The following NPAS3 variants were observed in gnomAD, a reference collection of about 807,000 sequenced individuals.
NPAS3 encodes the protein neuronal PAS domain-containing protein 3.
NPAS3 carries 14 observed loss-of-function variants against 73.1 expected under a neutral mutation model. The ratio of observed to expected loss-of-function variants is 0.19; its 90% CI spans 0.13 to 0.30. The LOEUF (loss-of-function observed/expected upper bound fraction) is 0.30. Among genes scored for constraint, NPAS3 ranks in the 10% least tolerant of loss-of-function variants. The probability of loss-of-function intolerance (pLI) is 1.00; values close to 1 mark genes in which losing one functional copy is unlikely to be tolerated. For synonymous variants in NPAS3, 620 were observed against 541.5 expected (o/e 1.14, Z -2.01); for missense variants, 1,096 against 1,250.0 (o/e 0.88, Z 1.86).
At position 33,281,808 on chromosome 14, in the gene NPAS3, T is replaced by A. The variant is rs556332291; in HGVS notation, c.385+66382T>A. Among the ~76,000 whole-genome samples the A allele has an allele frequency of 2.0e-5, 3 of 152,324 alleles. No individual in the cohort carries two copies. In the South Asian group the frequency reaches 6.2e-4, roughly 32 times the overall value. ...TAATTTAAAACTTCTCTGGCTTGAA[T>A]ATTACATTTATTTATCTAGTAGTAT... On this transcript the variant is annotated intron_variant, in intron 3 of 11. Transcript: ENST00000356141.
At chr14:33,683,545 C>A (rs1256005748) in intron 6 of NPAS3, among the ~76,000 whole-genome samples, 2 of 148,190 alleles carry the variant, frequency 1.3e-5, no homozygotes, top group Non-Finnish European at 3.0e-5. Context: ...GCTTTTAATA[C>A]ATTCCACTGC....
chr14:33,199,653 TCCTTA>T (rs1328978589), intron 2 of NPAS3, among the ~76,000 whole-genome samples: 1 of 137,932 alleles, frequency 7.2e-6, no homozygotes, highest in East Asian at 1.9e-4. Context: ...CTTCCTTTCC[TCCTTA>T]CCTTCCTCTA....
intron 3 of NPAS3, among the ~76,000 whole-genome samples, chr14:33,341,212 A>T (rs2044461640): frequency 6.6e-6 from 1 of 152,196 alleles, no homozygotes; most frequent in African/African-American, 2.4e-5. Flanking sequence ...TCAACTTCTG[A>T]AATTAGGGAA....
At chr14:33,440,295 G>T (rs2049187506) in intron 4 of NPAS3, among the ~76,000 whole-genome samples, 1 of 152,008 alleles carries the variant, frequency 6.6e-6, no homozygotes, top group Non-Finnish European at 1.5e-5. Context: ...ATACACAGAG[G>T]ATGCTGAGAT....
At position 33,332,796 on chromosome 14, in the gene NPAS3, G is replaced by T. The variant is rs17100666; in HGVS notation, c.386-34390G>T. Reference sequence around the variant, plus strand: ...TAGGACCCAGGTGCCAAGCAAACACGGGTTGGTCTAACTGGCTCCTGAACT... The same window carrying T: ...TAGGACCCAGGTGCCAAGCAAACACTGGTTGGTCTAACTGGCTCCTGAACT... On this transcript the variant is annotated intron_variant, in intron 3 of 11. Transcript: ENST00000356141. Among the ~76,000 whole-genome samples the T allele has an allele frequency of 9.7e-3, 1,471 of 152,250 alleles. 120 individuals carry two copies. The East Asian group carries it at 0.21, about 22-fold the overall frequency.
intron 7 of NPAS3, among the ~76,000 whole-genome samples, chr14:33,760,300 G>A (rs577309698): frequency 6.6e-6 from 1 of 152,238 alleles, no homozygotes; most frequent in African/African-American, 2.4e-5. Context: ...CGGGGCCCCA[G>A]AGCAGCCATT....
At chr14:32,956,218 T>A (rs2036664138) in intron 1 of NPAS3, among the ~76,000 whole-genome samples, 1 of 152,148 alleles carries the variant, frequency 6.6e-6, no homozygotes, top group South Asian at 2.1e-4. Flanking sequence ...CACAAAATTG[T>A]ACCAATAATA....
chr14:33,010,938 C>CAAAAA (rs77196350), intron 1 of NPAS3, among the ~76,000 whole-genome samples: 1 of 120,358 alleles, frequency 8.3e-6, no homozygotes, highest in Non-Finnish European at 1.7e-5. Context: ...GAACCTGTCT[C>CAAAAA]AAAAAAAAAA....
chr14:33,399,659 G>A (rs1594836218), intron 4 of NPAS3, among the ~76,000 whole-genome samples: 1 of 146,348 alleles, frequency 6.8e-6, no homozygotes, highest in Non-Finnish European at 1.5e-5. Context: ...ATGAAGCTGG[G>A]TTTTTTTTTT....
chr14:33,668,044 GAGA>G (rs1303376085), intron 5 of NPAS3, among the ~76,000 whole-genome samples: 2 of 152,150 alleles, frequency 1.3e-5, no homozygotes, highest in East Asian at 1.9e-4. Context: ...TGGTGACACG[GAGA>G]AGGAGAGCCA....
At chr14:33,643,850 TA>T (rs1567082024) in intron 5 of NPAS3, among the ~76,000 whole-genome samples, 1 of 152,224 alleles carries the variant, frequency 6.6e-6, no homozygotes, top group Admixed American at 6.5e-5. Flanking sequence ...TTAAATAATG[TA>T]TGTAAATTTT....
In NPAS3 at chr14:33,495,855, G is replaced by A. The variant is rs529321946; in HGVS notation, c.469-64266G>A. Among the ~76,000 whole-genome samples the A allele has an allele frequency of 1.5e-4, 22 of 151,352 alleles. 1 individual carries two copies. In the South Asian group the frequency reaches 4.4e-3, roughly 30 times the overall value. On this transcript the variant is annotated intron_variant, in intron 4 of 11. Coordinates refer to ENST00000356141, the Ensembl canonical transcript of NPAS3. The stretch of plus-strand genomic sequence containing the variant: ...AAATATTCCTCCGTCACTTTATTTT[G>A]AGCCTAGAAGGAGACAGAGACCCAA...
At chr14:33,500,971 A>G (rs918238484) in intron 4 of NPAS3, among the ~76,000 whole-genome samples, 18 of 150,016 alleles carry the variant, frequency 1.2e-4, no homozygotes, top group African/African-American at 4.3e-4. Flanking sequence ...ACAACTTATA[A>G]AATAAAAACC....
intron 1 of NPAS3, among the ~76,000 whole-genome samples, chr14:32,986,544 A>G (rs866551113): frequency 3.3e-5 from 5 of 152,168 alleles, no homozygotes; most frequent in Non-Finnish European, 4.4e-5. Flanking sequence ...TTCCATTACT[A>G]TATGTCAAGT....
At chr14:33,704,889 G>T (rs1485076691) in intron 6 of NPAS3, among the ~76,000 whole-genome samples, 1 of 152,156 alleles carries the variant, frequency 6.6e-6, no homozygotes, top group African/African-American at 2.4e-5. Flanking sequence ...TGGGTGGAAA[G>T]AAGAGGAAAA....
intron 1 of NPAS3, among the ~76,000 whole-genome samples, chr14:33,003,511 GA>G (rs2038883314): frequency 6.6e-6 from 1 of 152,182 alleles, no homozygotes. Flanking sequence ...CAATCAAATA[GA>G]GACAGTTTAA....
chr14:33,023,599 T>C (rs2039683856), intron 1 of NPAS3, among the ~76,000 whole-genome samples: 1 of 152,190 alleles, frequency 6.6e-6, no homozygotes, highest in Admixed American at 6.5e-5. Context: ...GAATGTAGCA[T>C]TGGTAAAATA....
At chr14:33,094,458 A>G (rs1303515672) in intron 2 of NPAS3, among the ~76,000 whole-genome samples, 1 of 150,522 alleles carries the variant, frequency 6.6e-6, no homozygotes, top group African/African-American at 2.5e-5. Flanking sequence ...ACTCAACTGT[A>G]TGATAAAGGA....
chr14:33,443,066 G>C (rs371230258), intron 4 of NPAS3, among the ~76,000 whole-genome samples: 8 of 152,292 alleles, frequency 5.3e-5, no homozygotes, highest in African/African-American at 1.9e-4. Context: ...ATCAGTAGAA[G>C]AGAGAGCCCT....
Sources: gnomAD v4.1 joint callset for allele counts (sites outside exome capture counted in the v4.1 genomes callset) on GRCh38, gnomAD v4.1.1 for gene constraint, MANE v1.5 for transcripts, NCBI Gene and HGNC (gene_info 2026-07-23, HGNC 2026-07-21) for gene names.